The following FBXO42 variants were observed in gnomAD, a reference collection of about 807,000 sequenced individuals.
The protein encoded by FBXO42 is F-box protein 42, also known as F-box only protein 42.
FBXO42 carries 12 observed loss-of-function variants against 71.7 expected under a neutral mutation model. The observed-to-expected ratio is 0.17, with a 90% CI of 0.11 to 0.27. The LOEUF (loss-of-function observed/expected upper bound fraction) is 0.27. Ranked by LOEUF, FBXO42 falls within the 10% of genes least tolerant of loss-of-function variation. FBXO42 has a pLI of 1.00. For synonymous variants in FBXO42, 325 were observed against 327.5 expected, an observed-to-expected ratio of 0.99 and a Z score of 0.08; for missense variants, 707 against 911.9, an observed-to-expected ratio of 0.78 and a Z score of 2.89.
At chr1:16,316,905 G>A (rs2082372254) in intron 1 of FBXO42, among the ~76,000 whole-genome samples, 1 of 152,036 alleles carries the variant, frequency 6.6e-6, no homozygotes, top group African/African-American at 2.4e-5. Flanking sequence ...AATAAATTGT[G>A]GTACATTCGC....
intron 1 of FBXO42, among the ~76,000 whole-genome samples, chr1:16,324,075 C>T (rs948956988): frequency 2.0e-5 from 3 of 152,066 alleles, no homozygotes; most frequent in Non-Finnish European, 4.4e-5. Context: ...GTGATTCAAT[C>T]TAAGACAATA....
At chr1:16,279,804 C>A (rs951540009) in intron 4 of FBXO42, among the ~76,000 whole-genome samples, 1 of 151,006 alleles carries the variant, frequency 6.6e-6, no homozygotes, top group Non-Finnish European at 1.5e-5. Context: ...ACCAGGTGAT[C>A]CTGGTTAATA....
At chr1:16,324,730 C>T (rs947491981) in intron 1 of FBXO42, among the ~76,000 whole-genome samples, 1 of 152,182 alleles carries the variant, frequency 6.6e-6, no homozygotes. Context: ...GTGCGAGCAT[C>T]GCTTGAGCCC....
rs546454462 is a variant in FBXO42 at position 16,292,357 on chromosome 1, C to T, written c.502+2426G>A. ...TTTTTTTGAGACACAGTCTCACTCT[C>T]GCCTAGGCGTCTGGGCTTATATCTG... is the stretch of plus-strand genomic sequence containing the variant. On this transcript the variant is annotated intron_variant, in intron 4 of 9. Transcript: ENST00000375592. 5.3e-5 allele frequency: 8 copies of T among 152,298 alleles called. No individual in the cohort carries two copies. In the East Asian group the frequency reaches 5.8e-4, roughly 11 times the overall value. 9.4% of individuals were successfully genotyped at this position (152,298 alleles called of 1,614,324 possible).
At chr1:16,287,344 A>G (rs1289295844) in intron 4 of FBXO42, among the ~76,000 whole-genome samples, 1 of 152,156 alleles carries the variant, frequency 6.6e-6, no homozygotes. Context: ...TAATCCTCCT[A>G]GCCATACTGT....
rs1033159143 is a variant in FBXO42, at chr1:16,252,295, G to A, written c.1031C>T (p.Ala344Val). 1 of 1,613,698 alleles carries A rather than the reference G, an allele frequency of 6.2e-7. No individual in the cohort carries two copies. Among genetic ancestry groups the A allele is most frequent in the Non-Finnish European group, 8.5e-7 (1 of 1,179,572 alleles). Residue 344 changes from alanine to valine, a missense_variant, in exon 9 of 10, where the codon GCT (alanine) becomes GTT (valine). This residue lies in a region of FBXO42 where 482 missense variants were observed against 587.1 expected (regional missense o/e 0.82). Transcript: ENST00000375592. The surrounding 1 kb of genome is among the most constrained non-coding windows in gnomAD (Gnocchi z 4.4). ...TGTCAGCTCCCTGCTTACCCGGCAA[G>A]CTGGATGGCACCACAGTTCTGGGGC... is the stretch of plus-strand genomic sequence containing the variant. Reference protein sequence around the residue: ...HGAPELWCHPACRVGQCVVVF... With the variant: ...HGAPELWCHPVCRVGQCVVVF...
chr1:16,340,222 T>C (rs2082589611), intron 1 of FBXO42, among the ~76,000 whole-genome samples: 1 of 151,312 alleles, frequency 6.6e-6, no homozygotes, highest in African/African-American at 2.4e-5. Context: ...ACCTAGCAGG[T>C]AGATTTCCTG....
At chr1:16,284,299 A>G (rs1219850242) in intron 4 of FBXO42, among the ~76,000 whole-genome samples, 1 of 152,232 alleles carries the variant, frequency 6.6e-6, no homozygotes, top group African/African-American at 2.4e-5. Flanking sequence ...AGCGATCAAT[A>G]GAGAACTTCC....
At chr1:16,255,605 G>A in intron 6 of FBXO42, 106 bp downstream of exon 6, 2 of 906,636 alleles carry the variant, frequency 2.2e-6, no homozygotes, top group South Asian at 3.5e-5. Context: ...AAAATGCTGG[G>A]ATTACAGGTG....
At chr1:16,269,067 C>A (rs2081809925) in intron 4 of FBXO42, among the ~76,000 whole-genome samples, 1 of 148,690 alleles carries the variant, frequency 6.7e-6, no homozygotes, top group Non-Finnish European at 1.5e-5. Context: ...CCTCGGCCTT[C>A]CAAAGTACTG....
intron 4 of FBXO42, among the ~76,000 whole-genome samples, chr1:16,279,872 A>C: frequency 3.4e-5 from 1 of 29,140 alleles, no homozygotes. Flanking sequence ...TTTGAGACAG[A>C]GTCTTGCTTT....
At chr1:16,288,086 C>A (rs952525337) in intron 4 of FBXO42, among the ~76,000 whole-genome samples, 1 of 152,006 alleles carries the variant, frequency 6.6e-6, no homozygotes, top group South Asian at 2.1e-4. Context: ...ATGGAGTGAG[C>A]CGAGATCATG....
In FBXO42 at chr1:16,292,343, C is replaced by G. The variant is rs2082087587; in HGVS notation, c.502+2440G>C. Reference sequence around the variant, plus strand: ...TCTTTCTTTGTTTCTTTTTTTGAGACACAGTCTCACTCTCGCCTAGGCGTC... The same window carrying G: ...TCTTTCTTTGTTTCTTTTTTTGAGAGACAGTCTCACTCTCGCCTAGGCGTC... On this transcript the variant is annotated intron_variant, in intron 4 of 9. Coordinates refer to ENST00000375592, the MANE Select transcript of FBXO42 (RefSeq NM_018994.3). 3 of 152,066 alleles carry G rather than the reference C, an allele frequency of 2.0e-5. No individual in the cohort carries two copies. The South Asian group carries it at 6.2e-4, about 32-fold the overall frequency. The allele number at this position is 152,066 out of a possible 1,614,324, so 9.4% of individuals were successfully genotyped here.
intron 4 of FBXO42, among the ~76,000 whole-genome samples, chr1:16,290,762 A>C (rs1183844136): frequency 6.6e-6 from 1 of 151,612 alleles, no homozygotes. Flanking sequence ...GGCAGTCTGC[A>C]AACCAGGAGC....
At position 16,321,002 on chromosome 1, in the gene FBXO42, C is replaced by A. The variant is rs566941200; in HGVS notation, c.-17-5567G>T. Among the ~76,000 whole-genome samples, 4 of 152,208 alleles carry A rather than the reference C, an allele frequency of 2.6e-5. No individual in the cohort carries two copies. The South Asian group carries it at 6.2e-4, about 24-fold the overall frequency. On this transcript the variant is annotated intron_variant, in intron 1 of 9. Transcript: ENST00000375592. ...GCAGAACAAAATGAATCAATGGAGG[C>A]TGCAAAAGTTTATTTACATTACTAT...
chr1:16,315,046 C>T (rs1009792815), intron 2 of FBXO42, 123 bp downstream of exon 2: 9 of 1,042,512 alleles, frequency 8.6e-6, no homozygotes, highest in African/African-American at 8.0e-5. Context: ...CGGGTAGTAT[C>T]GTCTAATGCT....
intron 4 of FBXO42, chr1:16,294,366 C>T (rs1425869157): frequency 5.8e-6 from 1 of 173,320 alleles, no homozygotes; most frequent in Non-Finnish European, 1.3e-5. Flanking sequence ...GTCCCATACA[C>T]TCCCCAAATA....
intron 4 of FBXO42, among the ~76,000 whole-genome samples, chr1:16,261,032 A>G (rs1344838485): frequency 6.6e-6 from 1 of 152,208 alleles, no homozygotes; most frequent in Non-Finnish European, 1.5e-5. Flanking sequence ...GTCAGAATAT[A>G]TCATGCTGCA....
chr1:16,280,217 A>G (rs1283186993), intron 4 of FBXO42, among the ~76,000 whole-genome samples: 4 of 152,200 alleles, frequency 2.6e-5, no homozygotes, highest in African/African-American at 7.2e-5. Context: ...CCCAAAAGCC[A>G]TAACTCCAGT....
Sources: allele counts gnomAD v4.1 joint callset (sites outside exome capture counted in the v4.1 genomes callset), GRCh38; gene constraint gnomAD v4.1.1; regional missense constraint gnomAD v4.1.1; non-coding constraint Gnocchi (gnomAD v3.1); transcripts MANE v1.5; gene names NCBI Gene and HGNC (gene_info 2026-07-23, HGNC 2026-07-21).